PIK3R4: variants seen among roughly 807,000 people sequenced by gnomAD.
PIK3R4 encodes the protein phosphoinositide 3-kinase regulatory subunit 4.
PIK3R4 carries 46 observed loss-of-function variants against 136.5 expected under a neutral mutation model. That is an observed-to-expected ratio of 0.34 (90% CI 0.27 to 0.43). The LOEUF is 0.43. Among genes scored for constraint, PIK3R4 ranks in the 20% least tolerant of loss-of-function variants. The pLI is 1.00. For synonymous variants in PIK3R4, 557 were observed against 566.7 expected (o/e 0.98, Z 0.24); for missense variants, 1,331 against 1,649.5 (o/e 0.81, Z 3.35).
At chr3:130,703,583 ACT>A (rs2066591269) in intron 13 of PIK3R4, 138 bp downstream of exon 13, 2 of 632,450 alleles carry the variant, frequency 3.2e-6, no homozygotes, top group Non-Finnish European at 5.6e-6. Context: ...TAGAAGGTAA[ACT>A]CCACAGAAGA....
intron 2 of PIK3R4, among the ~76,000 whole-genome samples, chr3:130,743,546 T>C (rs531041070): frequency 1.3e-5 from 2 of 152,346 alleles, no homozygotes; most frequent in African/African-American, 4.8e-5. Context: ...CAACCTAACC[T>C]GTTGCTCCTC....
intron 9 of PIK3R4, among the ~76,000 whole-genome samples, chr3:130,708,714 G>C (rs2066618711): frequency 6.6e-6 from 1 of 152,008 alleles, no homozygotes; most frequent in Admixed American, 6.6e-5. Flanking sequence ...TTTGTAATTT[G>C]TATCATGATT....
intron 10 of PIK3R4, among the ~76,000 whole-genome samples, chr3:130,707,778 G>T (rs191700086): frequency 3.9e-5 from 6 of 152,278 alleles, no homozygotes; most frequent in Admixed American, 3.3e-4. Context: ...TATAATCAAT[G>T]TCAATGTCAC....
intron 19 of PIK3R4, 32 bp downstream of exon 19, chr3:130,680,581 A>G (rs375749079): frequency 1.5e-5 from 18 of 1,227,024 alleles, no homozygotes; most frequent in Non-Finnish European, 2.1e-5. Context: ...TTGTGCTTAC[A>G]AAAGGTGAAA....
chr3:130,700,852 C>A (rs528888535), intron 13 of PIK3R4, among the ~76,000 whole-genome samples: 1 of 152,168 alleles, frequency 6.6e-6, no homozygotes, highest in African/African-American at 2.4e-5. Context: ...ATTTTCTTAC[C>A]CTCTTTCCCA....
At chr3:130,724,329 G>C (rs2066719852) in intron 6 of PIK3R4, among the ~76,000 whole-genome samples, 1 of 152,106 alleles carries the variant, frequency 6.6e-6, no homozygotes, top group Admixed American at 6.5e-5. Context: ...TTAGTAACTA[G>C]AAGAGGGAGT....
At chr3:130,712,091 G>A (rs2066635876) in intron 9 of PIK3R4, among the ~76,000 whole-genome samples, 1 of 152,168 alleles carries the variant, frequency 6.6e-6, no homozygotes. Context: ...CCTGATTTAA[G>A]TTCTACTGAA....
chr3:130,679,324 C>A lies in PIK3R4; in HGVS notation c.4068G>T (p.Val1356=). Residue 1356 remains valine, a synonymous_variant, in exon 20 of 20, where the codon GTG becomes GTT. Coordinates refer to ENST00000356763, the MANE Select transcript of PIK3R4 (RefSeq NM_014602.3). ...TACAAATCAGTAGGTTTTATTTCCA[C>A]ACCTTCACAATCCCATCTCTAGAAG... The part of the protein sequence containing the change: ...VTASRDGIVK[V]WK 1.3e-6 allele frequency: 2 copies of A among 1,596,702 alleles called. No homozygotes were observed. The highest frequency in any genetic ancestry group is 8.5e-7 in the Non-Finnish European group (1 of 1,170,134).
intron 9 of PIK3R4, 129 bp downstream of exon 9, chr3:130,716,267 G>T: frequency 1.4e-6 from 1 of 696,766 alleles, no homozygotes; most frequent in Non-Finnish European, 2.4e-6. Context: ...TAAGATGTTT[G>T]CCAGATTTAC....
intron 7 of PIK3R4, among the ~76,000 whole-genome samples, chr3:130,720,175 T>C (rs866666141): frequency 6.6e-6 from 1 of 152,144 alleles, no homozygotes; most frequent in Non-Finnish European, 1.5e-5. Flanking sequence ...GAACTGCCTA[T>C]GAAATAGCAT....
chr3:130,723,213 A>C (rs2066712710), intron 7 of PIK3R4, among the ~76,000 whole-genome samples: 2 of 151,886 alleles, frequency 1.3e-5, no homozygotes, highest in African/African-American at 4.8e-5. Context: ...AGGCTGGAGG[A>C]CCCAATGAGT....
intron 13 of PIK3R4, among the ~76,000 whole-genome samples, chr3:130,693,728 C>G (rs1331272576): frequency 6.6e-6 from 1 of 152,052 alleles, no homozygotes; most frequent in East Asian, 1.9e-4. Context: ...TGTGGATTGT[C>G]TTTTCACTTT....
At chr3:130,744,078 T>C (rs2066839700) in intron 2 of PIK3R4, among the ~76,000 whole-genome samples, 1 of 152,210 alleles carries the variant, frequency 6.6e-6, no homozygotes, top group Admixed American at 6.5e-5. Context: ...TGAGGACTAA[T>C]TTAAATATCT....
intron 2 of PIK3R4, among the ~76,000 whole-genome samples, chr3:130,742,123 C>A (rs2107623302): frequency 1.3e-5 from 2 of 152,314 alleles, no homozygotes; most frequent in South Asian, 4.1e-4. Flanking sequence ...CAGCCTGGAA[C>A]CATGGATATC....
At chr3:130,743,820 T>G (rs1252058367) in intron 2 of PIK3R4, among the ~76,000 whole-genome samples, 2 of 152,216 alleles carry the variant, frequency 1.3e-5, no homozygotes, top group African/African-American at 2.4e-5. Flanking sequence ...TCACTCTCCA[T>G]GCTCCAGTCA....
At chr3:130,719,020 TC>T (rs1167746741) in intron 7 of PIK3R4, among the ~76,000 whole-genome samples, 2 of 152,204 alleles carry the variant, frequency 1.3e-5, no homozygotes, top group African/African-American at 4.8e-5. Context: ...AAGGGAACAA[TC>T]TAGCCTATCT....
intron 9 of PIK3R4, among the ~76,000 whole-genome samples, chr3:130,710,747 C>T (rs1372334229): frequency 1.3e-5 from 2 of 151,740 alleles, no homozygotes; most frequent in Non-Finnish European, 2.9e-5. Context: ...AAAAATTGTT[C>T]CATATACCAG....
chr3:130,724,245 CAAAG>C (rs1247411052), intron 6 of PIK3R4, among the ~76,000 whole-genome samples: 2 of 152,044 alleles, frequency 1.3e-5, no homozygotes, highest in African/African-American at 4.8e-5. Context: ...AAAAGGAAAA[CAAAG>C]AAATCTAAAA....
At chr3:130,696,504 C>T (rs897985657) in intron 13 of PIK3R4, among the ~76,000 whole-genome samples, 12 of 152,032 alleles carry the variant, frequency 7.9e-5, no homozygotes, top group Admixed American at 7.2e-4. Context: ...CCCTTTGAAA[C>T]GCTGGGTATT....
Sources: allele counts gnomAD v4.1 joint callset (sites outside exome capture counted in the v4.1 genomes callset), GRCh38; gene constraint gnomAD v4.1.1; transcripts MANE v1.5; gene names NCBI Gene and HGNC (gene_info 2026-07-23, HGNC 2026-07-21).